The following SPAG16 variants were observed in gnomAD, a reference collection of about 807,000 sequenced individuals.
SPAG16 encodes the protein sperm associated antigen 16.
Under a neutral mutation model 80.4 loss-of-function variants are expected in SPAG16, and 86 were observed. The observed-to-expected ratio is 1.07, with a 90% CI of 0.90 to 1.28. The LOEUF is 1.28. Ranked by LOEUF, SPAG16 falls within the 50% of genes most tolerant of loss-of-function variation. The pLI, the probability that SPAG16 is intolerant of heterozygous loss-of-function variation, is 0.00. For missense variants in SPAG16, 870 were observed against 765.3 expected (o/e 1.14, Z -1.61); for synonymous variants, 294 against 265.9 (o/e 1.11, Z -1.03).
intron 10 of SPAG16, among the ~76,000 whole-genome samples, chr2:213,491,059 A>G (rs2074215239): frequency 6.6e-6 from 1 of 152,162 alleles, no homozygotes; most frequent in East Asian, 1.9e-4. Context: ...TAGCAAGAAT[A>G]TTGTCTATGG....
Position 213,350,534 on chromosome 2 carries a change from G to A in SPAG16, c.651G>A (p.Lys217=). Residue 217 remains lysine (K), a synonymous_variant, in exon 7 of 16, where the codon AAG becomes AAA. Coordinates refer to ENST00000331683, the MANE Select transcript of SPAG16 (RefSeq NM_024532.5). Reference sequence around the variant, plus strand: ...TTGACTTTATTTTTTATAGGTTGAAGTTACATTATGCATCTTATGAACCGA... The same window carrying A: ...TTGACTTTATTTTTTATAGGTTGAAATTACATTATGCATCTTATGAACCGA... The part of the protein sequence containing the change: ...NKLINDLKGL[K]LHYASYEPTI... The A allele has an allele frequency of 6.5e-7, 1 of 1,549,482 alleles. No homozygotes were observed. The highest frequency in any genetic ancestry group is 8.7e-7 in the Non-Finnish European group (1 of 1,150,008).
chr2:213,312,616 T>G (rs1201713681), intron 4 of SPAG16, among the ~76,000 whole-genome samples: 3 of 151,752 alleles, frequency 2.0e-5, no homozygotes, highest in Non-Finnish European at 4.4e-5. Flanking sequence ...ATTCAACACT[T>G]AGTTCTCTCC....
chr2:213,465,261 C>T (rs78229857), intron 9 of SPAG16, among the ~76,000 whole-genome samples: 3,534 of 152,156 alleles, frequency 0.023, 58 homozygotes, highest in South Asian at 0.038. Context: ...AACTGCTTTC[C>T]CTTTGCTTAA....
chr2:214,192,582 A>G (rs1416218074), intron 15 of SPAG16, among the ~76,000 whole-genome samples: 1 of 152,044 alleles, frequency 6.6e-6, no homozygotes, highest in African/African-American at 2.4e-5. Flanking sequence ...TCTCTTTGTC[A>G]TATACTATAG....
intron 12 of SPAG16, among the ~76,000 whole-genome samples, chr2:213,952,470 AT>A (rs1164143476): frequency 1.3e-5 from 2 of 152,086 alleles, no homozygotes; most frequent in African/African-American, 4.8e-5. Context: ...GAAAAATAAG[AT>A]GCTGAAAATG....
intron 9 of SPAG16, among the ~76,000 whole-genome samples, chr2:213,448,645 C>T (rs112132203): frequency 1.5e-4 from 23 of 152,240 alleles, no homozygotes; most frequent in South Asian, 4.1e-4. Context: ...AATGGAGGGA[C>T]GGGCTGGAGC....
chr2:214,085,490 T>A (rs1244306701), intron 13 of SPAG16, among the ~76,000 whole-genome samples: 1 of 151,988 alleles, frequency 6.6e-6, no homozygotes, highest in Non-Finnish European at 1.5e-5. Flanking sequence ...TTTAGGGCAA[T>A]GGTCCTAGCA....
rs548897791 is a variant in SPAG16, at chr2:213,706,142, T to C, written c.1071-156343T>C. Among the ~76,000 whole-genome samples the C allele has an allele frequency of 2.6e-5, 4 of 152,290 alleles. No homozygotes were observed. The South Asian group carries it at 8.3e-4, about 32-fold the overall frequency. Reference sequence around the variant, plus strand: ...TTATTGTGCACAACCACAGCAGAGATTTTGAAGTCATCATGGAGCCGAGGT... The same window carrying C: ...TTATTGTGCACAACCACAGCAGAGACTTTGAAGTCATCATGGAGCCGAGGT... On this transcript the variant is annotated intron_variant, in intron 10 of 15. Transcript: ENST00000331683.
chr2:214,007,699 C>T (rs777026921), intron 12 of SPAG16, among the ~76,000 whole-genome samples: 1 of 152,098 alleles, frequency 6.6e-6, no homozygotes, highest in East Asian at 1.9e-4. Context: ...ATGTCAGTTG[C>T]TATTTGTATA....
chr2:213,709,713 C>A (rs935381582), intron 10 of SPAG16, among the ~76,000 whole-genome samples: 2 of 151,916 alleles, frequency 1.3e-5, no homozygotes, highest in African/African-American at 2.4e-5. Flanking sequence ...GAATATAGTT[C>A]TTTTTATATA....
chr2:213,621,605 A>G lies in SPAG16; in HGVS notation c.1070+131515A>G, dbSNP rs191422920. On this transcript the variant is annotated intron_variant, in intron 10 of 15. Transcript: ENST00000331683. Reference sequence around the variant, plus strand: ...ATGTACCTGGAGACAGATATTGTCAATATGACCAGGGAGAATTAATTGTGT... The same window carrying G: ...ATGTACCTGGAGACAGATATTGTCAGTATGACCAGGGAGAATTAATTGTGT... 3.6e-3 allele frequency among the ~76,000 whole-genome samples: 550 copies of G among 152,318 alleles called. 13 individuals are homozygous for G. The highest frequency in any genetic ancestry group is 8.9e-3 in the East Asian group (46 of 5,190).
At chr2:213,310,756 C>A (rs977802850) in intron 4 of SPAG16, among the ~76,000 whole-genome samples, 1 of 151,732 alleles carries the variant, frequency 6.6e-6, no homozygotes, top group Non-Finnish European at 1.5e-5. Flanking sequence ...TTATGAAAAT[C>A]AGTAGGTGTA....
chr2:213,558,465 C>T (rs549235903), intron 10 of SPAG16, among the ~76,000 whole-genome samples: 7 of 133,326 alleles, frequency 5.3e-5, no homozygotes, highest in African/African-American at 2.1e-4. Context: ...TTATTTATTA[C>T]ATGAGAATTT....
chr2:213,396,730 A>T (rs2068055071), intron 9 of SPAG16: 2 of 444,582 alleles, frequency 4.5e-6, no homozygotes, highest in Admixed American at 4.8e-5. Context: ...GCAGGAGCCA[A>T]ATGGGAAATT....
chr2:213,805,123 A>C (rs2071687266), intron 10 of SPAG16, among the ~76,000 whole-genome samples: 1 of 152,176 alleles, frequency 6.6e-6, no homozygotes, highest in Admixed American at 6.5e-5. Context: ...TAAGTAATGG[A>C]GTTGGAACTC....
intron 4 of SPAG16, among the ~76,000 whole-genome samples, chr2:213,315,886 T>C (rs2063380732): frequency 6.6e-6 from 1 of 151,980 alleles, no homozygotes; most frequent in Admixed American, 6.6e-5. Flanking sequence ...TTCGTCTTTT[T>C]TGGTAGTGTT....
At chr2:213,806,417 T>C (rs918246049) in intron 10 of SPAG16, among the ~76,000 whole-genome samples, 2 of 152,152 alleles carry the variant, frequency 1.3e-5, no homozygotes, top group African/African-American at 2.4e-5. Flanking sequence ...ATTTGGATAT[T>C]TGTAATAGCG....
chr2:213,913,659 A>G (rs1439719668), intron 11 of SPAG16, among the ~76,000 whole-genome samples: 14 of 98,106 alleles, frequency 1.4e-4, no homozygotes, highest in African/African-American at 4.0e-4. Flanking sequence ...ATGTACATAT[A>G]TGTATATGTA....
chr2:213,487,025 AAT>A (rs924587892), intron 9 of SPAG16, among the ~76,000 whole-genome samples: 1 of 151,488 alleles, frequency 6.6e-6, no homozygotes, highest in South Asian at 2.1e-4. Context: ...TACAGAGAGA[AAT>A]ATATATATAT....
Sources: allele counts gnomAD v4.1 joint callset (sites outside exome capture counted in the v4.1 genomes callset), GRCh38; gene constraint gnomAD v4.1.1; transcripts MANE v1.5; gene names NCBI Gene and HGNC (gene_info 2026-07-23, HGNC 2026-07-21).